Variants in UBXN7 observed in about 807,000 individuals in gnomAD.
The protein encoded by UBXN7 is UBX domain protein 7.
A neutral mutation model predicts 58.0 loss-of-function variants in UBXN7; 9 were observed. The ratio of observed to expected loss-of-function variants is 0.16; its 90% CI spans 0.09 to 0.27. The LOEUF is 0.27. Among genes scored for constraint, UBXN7 ranks in the 10% least tolerant of loss-of-function variants. The probability of loss-of-function intolerance (pLI) is 1.00; values close to 1 mark genes in which losing one functional copy is unlikely to be tolerated. For synonymous variants in UBXN7, 208 were observed against 205.0 expected (o/e 1.01, Z -0.12); for missense variants, 328 against 599.6 (o/e 0.55, Z 4.73).
chr3:196,401,320 C>CAT lies in UBXN7; in HGVS notation c.289+1630_289+1631dup, dbSNP rs34621144. 7.2e-3 allele frequency among the ~76,000 whole-genome samples: 523 copies of CAT among 72,428 alleles called. 8 individuals carry two copies. Among genetic ancestry groups the CAT allele is most frequent in the Non-Finnish European group, 1.0e-2 (405 of 40,592 alleles). 47.5% of individuals were successfully genotyped at this position (72,428 alleles called of 152,430 possible). On this transcript the variant is annotated intron_variant, in intron 3 of 10. Transcript: ENST00000296328. ...ATATACACACACACACACACACACACATATATATATATACACATATATACA... is the reference window on the plus strand; with the variant it reads ...ATATACACACACACACACACACACACATATATATATATATACACATATATACA...
chr3:196,358,648 G>A (rs1241914416), intron 10 of UBXN7, among the ~76,000 whole-genome samples: 1 of 152,026 alleles, frequency 6.6e-6, no homozygotes, highest in Non-Finnish European at 1.5e-5. Context: ...GGTTGAGGTG[G>A]GAGGCTCGCT....
chr3:196,361,960 T>C, intron 9 of UBXN7, 37 bp from the exon 10 acceptor site: 1 of 1,420,718 alleles, frequency 7.0e-7, no homozygotes, highest in Non-Finnish European at 9.9e-7. Flanking sequence ...AAAAACGGGA[T>C]ACAGGAGTTT....
At chr3:196,406,074 C>T (rs1730153143) in intron 2 of UBXN7, among the ~76,000 whole-genome samples, 1 of 151,378 alleles carries the variant, frequency 6.6e-6, no homozygotes. Flanking sequence ...TCTGTGTCAT[C>T]CAGGTTGGAG....
chr3:196,422,680 A>G (rs1441391280), intron 1 of UBXN7, among the ~76,000 whole-genome samples: 2 of 152,122 alleles, frequency 1.3e-5, no homozygotes, highest in Non-Finnish European at 2.9e-5. Flanking sequence ...GTGACTTTGG[A>G]AAGTCACTAT....
intron 1 of UBXN7, among the ~76,000 whole-genome samples, chr3:196,426,588 C>A (rs1730855399): frequency 1.3e-5 from 2 of 152,050 alleles, no homozygotes; most frequent in African/African-American, 4.8e-5. Context: ...GTGGTTCACA[C>A]CGGTAATCCC....
intron 2 of UBXN7, among the ~76,000 whole-genome samples, chr3:196,405,330 C>T (rs148364071): frequency 1.3e-5 from 2 of 151,274 alleles, no homozygotes; most frequent in African/African-American, 2.4e-5. Context: ...ATTAGCCGGG[C>T]GTGGTGGAGT....
chr3:196,385,972 T>C (rs1005793843), intron 5 of UBXN7, among the ~76,000 whole-genome samples: 49 of 151,838 alleles, frequency 3.2e-4, no homozygotes, highest in African/African-American at 1.1e-3. Context: ...AGAGATCGGA[T>C]TGTTACTGTG....
At chr3:196,429,422 C>T (rs1049679523) in intron 1 of UBXN7, among the ~76,000 whole-genome samples, 1 of 151,708 alleles carries the variant, frequency 6.6e-6, no homozygotes, top group African/African-American at 2.4e-5. Flanking sequence ...TAAAATCTTT[C>T]AATTTTCCGT....
chr3:196,428,001 G>C (rs1730902903), intron 1 of UBXN7, among the ~76,000 whole-genome samples: 1 of 152,178 alleles, frequency 6.6e-6, no homozygotes, highest in African/African-American at 2.4e-5. Context: ...GCTTGAGCCT[G>C]TAATCCCAGC....
intron 5 of UBXN7, among the ~76,000 whole-genome samples, chr3:196,391,529 G>A (rs1729581237): frequency 6.6e-6 from 1 of 151,884 alleles, no homozygotes; most frequent in African/African-American, 2.4e-5. Flanking sequence ...CTAGGCATTC[G>A]AGACCAGCCT....
chr3:196,369,255 A>G (rs944881086), intron 7 of UBXN7, among the ~76,000 whole-genome samples, 166 bp downstream of exon 7: 6 of 152,252 alleles, frequency 3.9e-5, no homozygotes, highest in Admixed American at 1.3e-4. Flanking sequence ...TGTCCTAAAT[A>G]CATACATCAA....
chr3:196,382,033 C>T (rs6583303), intron 5 of UBXN7, among the ~76,000 whole-genome samples: 79,996 of 151,952 alleles, frequency 0.53, 21,484 homozygotes, highest in East Asian at 0.9. Flanking sequence ...CTGAAAGTGA[C>T]GGGGAGAATG....
intron 5 of UBXN7, among the ~76,000 whole-genome samples, chr3:196,384,197 T>C (rs1358148362): frequency 6.6e-6 from 1 of 152,140 alleles, no homozygotes; most frequent in African/African-American, 2.4e-5. Context: ...CTAGAAAATC[T>C]AGAAGAAATG....
At chr3:196,403,944 C>A (rs935061426) in intron 2 of UBXN7, among the ~76,000 whole-genome samples, 48 of 151,850 alleles carry the variant, frequency 3.2e-4, no homozygotes, top group African/African-American at 1.1e-3. Flanking sequence ...ATGGTGTGTG[C>A]CTTTAAAGAT....
At chr3:196,370,550 C>G (rs1488628528) in intron 6 of UBXN7, among the ~76,000 whole-genome samples, 2 of 151,224 alleles carry the variant, frequency 1.3e-5, no homozygotes, top group African/African-American at 4.9e-5. Flanking sequence ...AAGAGCTGCT[C>G]GATCAATATT....
intron 2 of UBXN7, among the ~76,000 whole-genome samples, chr3:196,404,194 T>C (rs1311109121): frequency 6.6e-6 from 1 of 152,122 alleles, no homozygotes; most frequent in Non-Finnish European, 1.5e-5. Flanking sequence ...TAATTCATTA[T>C]CTTCCTGCTT....
At chr3:196,362,788 T>C in intron 8 of UBXN7, 101 bp from the exon 9 acceptor site, 2 of 1,399,042 alleles carry the variant, frequency 1.4e-6, no homozygotes, top group Non-Finnish European at 9.6e-7. Context: ...CATTATTATG[T>C]TCTGCTGACT....
At chr3:196,401,266 AAAAAAAAAATATAT>A (rs1457368978) in intron 3 of UBXN7, among the ~76,000 whole-genome samples, 2 of 87,758 alleles carry the variant, frequency 2.3e-5, no homozygotes, top group East Asian at 4.1e-4. Context: ...AAAAAAAAAA[AAAAAAAAAATATAT>A]ATATATATAT....
At chr3:196,364,446 A>T (rs7617626) in intron 8 of UBXN7, among the ~76,000 whole-genome samples, 79,974 of 151,924 alleles carry the variant, frequency 0.53, 21,472 homozygotes, top group East Asian at 0.9. Flanking sequence ...TTCTGAGATT[A>T]GCTTCAAAAT....
Sources: gnomAD v4.1 joint callset for allele counts (sites outside exome capture counted in the v4.1 genomes callset) on GRCh38, gnomAD v4.1.1 for gene constraint, MANE v1.5 for transcripts, NCBI Gene and HGNC (gene_info 2026-07-23, HGNC 2026-07-21) for gene names.